TMEM30A: variants seen among roughly 807,000 people sequenced by gnomAD.
TMEM30A encodes cell division cycle 50 P4-ATPase accessory subunit A, also known as cell cycle control protein 50A.
A neutral mutation model predicts 38.2 loss-of-function variants in TMEM30A; 24 were observed. The observed-to-expected ratio is 0.63, with a 90% confidence interval of 0.46 to 0.88. TMEM30A has a LOEUF of 0.88. Among genes scored for constraint, TMEM30A ranks in the 40% least tolerant of loss-of-function variants. The pLI, the probability that TMEM30A is intolerant of heterozygous loss-of-function variation, is 0.00. For missense variants in TMEM30A, 370 were observed against 458.6 expected (o/e 0.81, Z 1.77); for synonymous variants, 145 against 161.6 (o/e 0.90, Z 0.78).
intron 3 of TMEM30A, 91 bp downstream of exon 3, chr6:75,265,140 C>A: frequency 1.2e-6 from 1 of 821,598 alleles, no homozygotes; most frequent in South Asian, 1.8e-5. Context: ...AATGACAACA[C>A]TTTAATTTCA....
chr6:75,257,906 T>G (rs755807117), intron 6 of TMEM30A, among the ~76,000 whole-genome samples: 1 of 152,176 alleles, frequency 6.6e-6, no homozygotes, highest in Non-Finnish European at 1.5e-5. Flanking sequence ...TCACTCACAG[T>G]GTATGTAAAA....
At chr6:75,265,174 T>A in intron 3 of TMEM30A, 57 bp downstream of exon 3, 2 of 1,068,436 alleles carry the variant, frequency 1.9e-6, no homozygotes, top group South Asian at 2.8e-5. Flanking sequence ...AACTGAACAG[T>A]TACTACATAT....
At chr6:75,262,026 T>C (rs559358063) in intron 3 of TMEM30A, among the ~76,000 whole-genome samples, 1 of 152,302 alleles carries the variant, frequency 6.6e-6, no homozygotes, top group South Asian at 2.1e-4. Context: ...CAATGCTAGG[T>C]ACTTTGCATT....
intron 1 of TMEM30A, among the ~76,000 whole-genome samples, chr6:75,275,458 CT>C (rs1223609820): frequency 3.9e-5 from 6 of 152,120 alleles, no homozygotes; most frequent in Non-Finnish European, 7.4e-5. Context: ...ACTATTTATT[CT>C]GCTTCCCCCA....
chr6:75,260,374 C>T (rs1021937200), intron 4 of TMEM30A, among the ~76,000 whole-genome samples: 1 of 151,844 alleles, frequency 6.6e-6, no homozygotes, highest in Non-Finnish European at 1.5e-5. Context: ...CCACTGCACT[C>T]CAGCCTGGGC....
At chr6:75,264,034 T>G (rs1438003138) in intron 3 of TMEM30A, among the ~76,000 whole-genome samples, 3 of 152,208 alleles carry the variant, frequency 2.0e-5, no homozygotes, top group Admixed American at 1.3e-4. Flanking sequence ...TCTCTGGATT[T>G]GAGTGCTAAA....
Position 75,258,820 on chromosome 6 carries a change from T to C in TMEM30A, c.852A>G (p.Pro284=). The C allele has an allele frequency of 6.2e-7, 1 of 1,613,946 alleles. No individual in the cohort carries two copies. Among genetic ancestry groups the C allele is most frequent in the Non-Finnish European group, 8.5e-7 (1 of 1,179,862 alleles). Reference sequence around the variant, plus strand: ...AAGAGTATCGGCCAGCTGGTAATGTTGGATGTAAATCACTTTTCCTTTCTA... The same window carrying C: ...AAGAGTATCGGCCAGCTGGTAATGTCGGATGTAAATCACTTTTCCTTTCTA... The part of the protein sequence containing the change: ...RLIERKSDLH[P]TLPAGRYSLN... Residue 284 remains proline, a synonymous_variant, in exon 6 of 7, where the codon CCA becomes CCG. Transcript: ENST00000230461.
chr6:75,274,179 A>G (rs1047367068), intron 1 of TMEM30A, among the ~76,000 whole-genome samples: 1 of 152,224 alleles, frequency 6.6e-6, no homozygotes, highest in Non-Finnish European at 1.5e-5. Context: ...AAAATGTGAT[A>G]GAATAAGAAA....
intron 1 of TMEM30A, among the ~76,000 whole-genome samples, chr6:75,271,000 T>C (rs1772158772): frequency 6.6e-6 from 1 of 152,224 alleles, no homozygotes; most frequent in Non-Finnish European, 1.5e-5. Flanking sequence ...CCTGGGGCCT[T>C]TTCATGCACA....
chr6:75,262,571 G>A (rs191273891), intron 3 of TMEM30A, among the ~76,000 whole-genome samples: 55 of 150,688 alleles, frequency 3.6e-4, no homozygotes, highest in Admixed American at 3.3e-4. Flanking sequence ...GAACCGGGGA[G>A]GCAGAAGTTG....
intron 1 of TMEM30A, chr6:75,272,370 T>C (rs1772187603): frequency 6.6e-6 from 1 of 152,284 alleles, no homozygotes; most frequent in Non-Finnish European, 1.5e-5. Context: ...TCCTAGCTCA[T>C]AGCTTATGCC....
chr6:75,259,557 A>G (rs1771930109), intron 4 of TMEM30A, 67 bp from the exon 5 acceptor site: 5 of 1,380,006 alleles, frequency 3.6e-6, no homozygotes, highest in Non-Finnish European at 4.8e-6. Flanking sequence ...GCTTAACTCT[A>G]TGAGAAATAA....
In TMEM30A at chr6:75,258,905, T is replaced by G; in HGVS notation, c.767A>C (p.Asp256Ala). The G allele has an allele frequency of 6.2e-7, 1 of 1,613,944 alleles. No individual in the cohort carries two copies. Among genetic ancestry groups the G allele is most frequent in the South Asian group, 1.1e-5 (1 of 91,066 alleles). ...TGCAGTACGCATCCAAACAATAAAA[T>G]CCTCATTTATGAATCCATTATTATC... ...DPDNNGFINE[D>A]FIVWMRTAAL... The change falls in exon 6 of 7, where the codon GAT becomes GCT. Residue 256 changes from aspartate (D) to alanine (A), a missense_variant. Transcript: ENST00000230461.
At chr6:75,274,077 G>A (rs550012832) in intron 1 of TMEM30A, among the ~76,000 whole-genome samples, 1 of 152,342 alleles carries the variant, frequency 6.6e-6, no homozygotes, top group South Asian at 2.1e-4. Context: ...CAGGCTGTAA[G>A]CTAGTACTTC....
At chr6:75,269,693 G>A (rs964225301) in intron 1 of TMEM30A, among the ~76,000 whole-genome samples, 3 of 151,944 alleles carry the variant, frequency 2.0e-5, no homozygotes, top group African/African-American at 7.3e-5. Flanking sequence ...GTAAGAGTAT[G>A]TTTGCTTTTT....
chr6:75,284,553 T>C lies in TMEM30A; in HGVS notation c.86A>G (p.Asp29Gly), dbSNP rs1424689790. ...PGGTAKTRRP[D>G]NTAFKQQRLP... ...CCGTTGCTGTTTGAAGGCCGTGTTA[T>C]CCGGTCTCCGAGTCTTCGCGGTGCC... Residue 29 changes from aspartate (D) to glycine (G), a missense_variant, in exon 1 of 7, where the codon GAT (aspartate) becomes GGT (glycine). Asp to Gly is a moderately conservative substitution (Grantham distance 94). Coordinates refer to ENST00000230461, the MANE Select transcript of TMEM30A (RefSeq NM_018247.4). 5 of 1,612,874 alleles carry C rather than the reference T, an allele frequency of 3.1e-6. No individual in the cohort carries two copies. The highest frequency in any genetic ancestry group is 4.2e-6 in the Non-Finnish European group (5 of 1,179,408).
At chr6:75,276,389 T>C (rs578181876) in intron 1 of TMEM30A, among the ~76,000 whole-genome samples, 1 of 152,330 alleles carries the variant, frequency 6.6e-6, no homozygotes, top group South Asian at 2.1e-4. Context: ...GGACTTACAA[T>C]TGGCATCTAA....
At chr6:75,267,546 T>C (rs1263163167) in intron 2 of TMEM30A, 95 bp downstream of exon 2, 3 of 806,880 alleles carry the variant, frequency 3.7e-6, no homozygotes, top group Non-Finnish European at 5.6e-6. Flanking sequence ...TACAGACTTC[T>C]CTATAAAAGG....
At chr6:75,269,908 T>C (rs1295065197) in intron 1 of TMEM30A, among the ~76,000 whole-genome samples, 2 of 152,296 alleles carry the variant, frequency 1.3e-5, no homozygotes, top group Admixed American at 6.5e-5. Context: ...TTGGCTAGGA[T>C]GGTGTCTATC....
Sources: gnomAD v4.1 joint callset for allele counts (sites outside exome capture counted in the v4.1 genomes callset) on GRCh38, gnomAD v4.1.1 for gene constraint, MANE v1.5 for transcripts, NCBI Gene and HGNC (gene_info 2026-07-23, HGNC 2026-07-21) for gene names.